Variants in CSMD1 observed in about 807,000 individuals in gnomAD.
The protein encoded by CSMD1 is CUB and sushi domain-containing protein 1.
A neutral mutation model predicts 417.5 loss-of-function variants in CSMD1; 213 were observed. The observed-to-expected ratio is 0.51, with a 90% confidence interval of 0.46 to 0.57. The LOEUF is 0.57. Ranked by LOEUF, CSMD1 falls within the 20% of genes least tolerant of loss-of-function variation. The pLI is 0.00. For synonymous variants in CSMD1, 2,862 were observed against 1,736.8 expected (o/e 1.65, Z -16.11); for missense variants, 6,923 against 4,529.7 (o/e 1.53, Z -15.17).
chr8:4,236,808 T>A (rs1802093112), intron 3 of CSMD1, among the ~76,000 whole-genome samples: 1 of 152,200 alleles, frequency 6.6e-6, no homozygotes, highest in South Asian at 2.1e-4. Flanking sequence ...CCCAAATTAT[T>A]AAGTCTATGT....
At chr8:4,465,605 G>T (rs149177451) in intron 2 of CSMD1, among the ~76,000 whole-genome samples, 1 of 152,170 alleles carries the variant, frequency 6.6e-6, no homozygotes, top group Non-Finnish European at 1.5e-5. Flanking sequence ...GTCAGACGTT[G>T]AGGATTATTA....
chr8:4,799,015 A>G (rs1273004805), intron 1 of CSMD1, among the ~76,000 whole-genome samples: 1 of 152,142 alleles, frequency 6.6e-6, no homozygotes, highest in African/African-American at 2.4e-5. Flanking sequence ...ATCCTCTGAT[A>G]TCCAGGGGGG....
chr8:3,789,707 G>T (rs1188829177), intron 5 of CSMD1, among the ~76,000 whole-genome samples: 1 of 145,606 alleles, frequency 6.9e-6, no homozygotes, highest in Non-Finnish European at 1.5e-5. Flanking sequence ...TATCATAGAT[G>T]TTAAAATGAT....
chr8:3,315,673 T>A (rs1805703320), intron 23 of CSMD1, among the ~76,000 whole-genome samples: 1 of 150,362 alleles, frequency 6.7e-6, no homozygotes, highest in Non-Finnish European at 1.5e-5. Context: ...GCAAACAGGT[T>A]GTTGACAATG....
intron 2 of CSMD1, among the ~76,000 whole-genome samples, chr8:4,625,709 T>C (rs1040429101): frequency 6.6e-6 from 1 of 152,110 alleles, no homozygotes; most frequent in African/African-American, 2.4e-5. Context: ...ATCCGTAACA[T>C]ATTCAAGACA....
rs191813825 is a variant in CSMD1 at position 4,573,976 on chromosome 8, C to A, written c.302+63366G>T. ...GTAATGGCAGACATCCCTCTCTCCA[C>A]CAAGCTCAAGTCTCCCAGCTCGACT... On this transcript the variant is annotated intron_variant, in intron 2 of 69. Coordinates refer to ENST00000635120, the MANE Select transcript of CSMD1 (RefSeq NM_033225.6). Among the ~76,000 whole-genome samples the A allele has an allele frequency of 3.4e-4, 52 of 152,298 alleles. No individual in the cohort carries two copies. The East Asian group carries it at 9.1e-3, about 27-fold the overall frequency.
intron 3 of CSMD1, among the ~76,000 whole-genome samples, chr8:4,415,976 C>T (rs1233414811): frequency 6.6e-6 from 1 of 152,130 alleles, no homozygotes; most frequent in African/African-American, 2.4e-5. Context: ...AACTAAAGTA[C>T]TGCAGTTAAC....
At chr8:4,967,805 G>A (rs1044314214) in intron 1 of CSMD1, among the ~76,000 whole-genome samples, 5 of 152,108 alleles carry the variant, frequency 3.3e-5, no homozygotes, top group Admixed American at 3.3e-4. Flanking sequence ...TCACAGGGTC[G>A]ACTGACCCAA....
chr8:2,963,098 T>C, intron 60 of CSMD1, 124 bp downstream of exon 60: 1 of 1,040,712 alleles, frequency 9.6e-7, no homozygotes, highest in Non-Finnish European at 1.4e-6. Flanking sequence ...TGAGTTTTTG[T>C]GTATTTTAGG....
chr8:4,707,515 T>G (rs1270651049), intron 1 of CSMD1, among the ~76,000 whole-genome samples: 2 of 152,114 alleles, frequency 1.3e-5, no homozygotes, highest in African/African-American at 4.8e-5. Flanking sequence ...TAGGAGTCCG[T>G]GAACAGTTAA....
At chr8:4,595,137 T>A (rs936127948) in intron 2 of CSMD1, among the ~76,000 whole-genome samples, 4 of 152,108 alleles carry the variant, frequency 2.6e-5, no homozygotes, top group African/African-American at 9.7e-5. Flanking sequence ...ATTCTGAGCA[T>A]CCTCATTTAG....
At chr8:3,206,982 G>T (rs918436832) in intron 30 of CSMD1, among the ~76,000 whole-genome samples, 1 of 152,020 alleles carries the variant, frequency 6.6e-6, no homozygotes, top group Non-Finnish European at 1.5e-5. Context: ...AGCCACTCAG[G>T]ACAGCCTGTT....
intron 1 of CSMD1, among the ~76,000 whole-genome samples, chr8:4,920,020 C>A (rs961830775): frequency 2.6e-5 from 4 of 152,014 alleles, no homozygotes; most frequent in African/African-American, 9.7e-5. Context: ...TCAGTTAGTC[C>A]CAGGTATTTT....
chr8:3,879,062 T>C (rs934195041), intron 5 of CSMD1, among the ~76,000 whole-genome samples: 5 of 152,206 alleles, frequency 3.3e-5, no homozygotes, highest in African/African-American at 1.2e-4. Flanking sequence ...AGAACAGGGA[T>C]AGCATCTGAG....
At chr8:4,801,747 G>C (rs1401407677) in intron 1 of CSMD1, among the ~76,000 whole-genome samples, 1 of 151,028 alleles carries the variant, frequency 6.6e-6, no homozygotes, top group Non-Finnish European at 1.5e-5. Flanking sequence ...GAAAAACACA[G>C]AAACTTTGTG....
At chr8:4,979,714 A>C (rs1227476864) in intron 1 of CSMD1, among the ~76,000 whole-genome samples, 3 of 152,216 alleles carry the variant, frequency 2.0e-5, no homozygotes, top group Admixed American at 6.5e-5. Context: ...AGTGACAAAT[A>C]TACAGATCAA....
chr8:3,702,358 A>C (rs1800918307), intron 7 of CSMD1: 3 of 152,200 alleles, frequency 2.0e-5, no homozygotes, highest in African/African-American at 7.2e-5. Flanking sequence ...ACTTCAAAAT[A>C]ACAACCAATG....
At chr8:3,313,843 C>G (rs992102802) in intron 23 of CSMD1, among the ~76,000 whole-genome samples, 1 of 152,146 alleles carries the variant, frequency 6.6e-6, no homozygotes, top group East Asian at 1.9e-4. Context: ...CGGCACTATT[C>G]ACAATAGCAA....
At chr8:2,944,167 T>C (rs1020846670) in intron 68 of CSMD1, among the ~76,000 whole-genome samples, 2 of 152,208 alleles carry the variant, frequency 1.3e-5, no homozygotes, top group Non-Finnish European at 2.9e-5. Context: ...AGACACTTGC[T>C]CTCTTGCAAT....
Sources: gnomAD v4.1 joint callset for allele counts (sites outside exome capture counted in the v4.1 genomes callset) on GRCh38, gnomAD v4.1.1 for gene constraint, MANE v1.5 for transcripts, NCBI Gene and HGNC (gene_info 2026-07-23, HGNC 2026-07-21) for gene names.